SYNE1: variants seen among roughly 807,000 people sequenced by gnomAD.
The protein encoded by SYNE1 is spectrin repeat containing nuclear envelope protein 1.
Under a neutral mutation model 1,111.0 loss-of-function variants are expected in SYNE1, and 616 were observed. The observed-to-expected ratio is 0.55, with a 90% CI of 0.52 to 0.59. The LOEUF is 0.59. SYNE1 is among the 20% of genes least tolerant of loss of function. The pLI, the probability that SYNE1 is intolerant of heterozygous loss-of-function variation, is 0.00. For missense variants in SYNE1, 10,006 were observed against 10,417.0 expected (o/e 0.96, Z 1.72); for synonymous variants, 3,855 against 3,825.8 (o/e 1.01, Z -0.28).
At chr6:152,221,356 G>T (rs1023252440) in intron 118 of SYNE1, 70 bp downstream of exon 118, 1 of 1,565,456 alleles carries the variant, frequency 6.4e-7, no homozygotes, top group Non-Finnish European at 8.8e-7. Flanking sequence ...AACTGTCATT[G>T]TTTTAATTAT....
At chr6:152,262,325 A>C in intron 100 of SYNE1, 137 bp from the exon 101 acceptor site, 1 of 809,358 alleles carries the variant, frequency 1.2e-6, no homozygotes, top group Non-Finnish European at 2.0e-6. Context: ...TTTAAAAATA[A>C]CAAAAATGTT....
intron 73 of SYNE1, among the ~76,000 whole-genome samples, chr6:152,344,997 A>C (rs2096605568): frequency 6.6e-6 from 1 of 152,202 alleles, no homozygotes. Context: ...GAGACAATAG[A>C]AGCAATCATT....
intron 8 of SYNE1, among the ~76,000 whole-genome samples, chr6:152,506,629 C>T (rs894612548): frequency 6.6e-6 from 1 of 151,984 alleles, no homozygotes; most frequent in Non-Finnish European, 1.5e-5. Flanking sequence ...GCAACCTCCA[C>T]CCCCCAGGCT....
intron 24 of SYNE1, among the ~76,000 whole-genome samples, chr6:152,454,383 G>T (rs966685971): frequency 6.6e-6 from 1 of 152,162 alleles, no homozygotes; most frequent in Non-Finnish European, 1.5e-5. Flanking sequence ...CTTATGAGGA[G>T]GGACACCAGA....
intron 130 of SYNE1, among the ~76,000 whole-genome samples, chr6:152,166,459 T>C (rs2063678646): frequency 6.6e-6 from 1 of 152,256 alleles, no homozygotes; most frequent in African/African-American, 2.4e-5. Flanking sequence ...AGTACTAAAA[T>C]TCATTCGTTT....
At position 152,540,029 on chromosome 6, in the gene SYNE1, G is replaced by C; in HGVS notation, c.68-8C>G. On this transcript the variant is annotated splice_region_variant and splice_polypyrimidine_tract_variant and intron_variant, in intron 3 of 145. Transcript: ENST00000367255. ...GTACTATCTCTTGCTCATCTAGAAG[G>C]AAAAAGAAATCTGGTTAAATAATGT... The C allele has an allele frequency of 6.2e-7, 1 of 1,613,228 alleles. No homozygotes were observed. Among genetic ancestry groups the C allele is most frequent in the African/African-American group, 1.3e-5 (1 of 74,988 alleles).
At chr6:152,501,467 G>C (rs1181970710) in intron 10 of SYNE1, among the ~76,000 whole-genome samples, 1 of 152,194 alleles carries the variant, frequency 6.6e-6, no homozygotes, top group African/African-American at 2.4e-5. Context: ...AGGCGTGGTG[G>C]CTCATGCCTG....
intron 11 of SYNE1, among the ~76,000 whole-genome samples, chr6:152,495,787 A>T (rs1193372624): frequency 6.6e-6 from 1 of 152,214 alleles, no homozygotes; most frequent in Non-Finnish European, 1.5e-5. Flanking sequence ...ACGCAGCAGC[A>T]GGGGCCACGT....
rs199827801 is a variant in SYNE1 at position 152,330,916 on chromosome 6, T to C, written c.13769A>G (p.Asn4590Ser). The C allele has an allele frequency of 6.1e-5, 99 of 1,614,122 alleles. No homozygotes were observed. The East Asian group carries it at 1.5e-3, about 24-fold the overall frequency. ...QADIVTFPEI[N>S]LMNESSELHT... is the part of the protein sequence containing the mutation. ...AAGCTCAGAACTCTCATTCATTAGG[T>C]TGATTTCAGGAAATGTAACAATATC... Residue 4590 changes from asparagine to serine, a missense_variant, in exon 78 of 146, where the codon AAC (asparagine) becomes AGC (serine). Around this residue, in one of 7 missense-constraint regions of SYNE1, gnomAD observed 4,955 missense variants for 5,017.2 expected, o/e 0.99. Coordinates refer to ENST00000367255, the MANE Select transcript of SYNE1 (RefSeq NM_182961.4).
At chr6:152,234,556 T>C in intron 111 of SYNE1, 112 bp downstream of exon 111, 1 of 1,264,188 alleles carries the variant, frequency 7.9e-7, no homozygotes, top group Non-Finnish European at 1.2e-6. Flanking sequence ...CCTCCCAAAG[T>C]GTGGGATTAC....
In SYNE1 at chr6:152,391,385, T is replaced by G; in HGVS notation, c.7896A>C (p.Ala2632=). The change falls in exon 52 of 146, where the codon GCA becomes GCC. Residue 2632 remains alanine (A), a synonymous_variant. Coordinates refer to ENST00000367255, the MANE Select transcript of SYNE1 (RefSeq NM_182961.4). ...ALQEHEALEE[A]LQSMWFWVKA... is the part of the protein sequence containing the mutation. ...TCACCCAGAACCACATGCTTTGCAGTGCTTCCTCCAGGGCTTCGTGCTCCT... is the reference window on the plus strand; with the variant it reads ...TCACCCAGAACCACATGCTTTGCAGGGCTTCCTCCAGGGCTTCGTGCTCCT... 2.5e-6 allele frequency: 4 copies of G among 1,614,066 alleles called. No homozygotes were observed. Among genetic ancestry groups the G allele is most frequent in the Non-Finnish European group, 3.4e-6 (4 of 1,180,006 alleles).
In SYNE1 at chr6:152,364,730, G is replaced by GAGGAAGGGAGGA. The variant is rs1554549225; in HGVS notation, c.10145+116_10145+117insTCCTCCCTTCCT. 8.7e-4 allele frequency: 601 copies of GAGGAAGGGAGGA among 689,380 alleles called. 12 individuals are homozygous for GAGGAAGGGAGGA. The highest frequency in any genetic ancestry group is 1.2e-3 in the Non-Finnish European group (505 of 424,578). The allele number at this position is 689,380 out of a possible 1,614,324, so 42.7% of individuals were successfully genotyped here. ...GAAGGAAGGAAGGAAGGAAGGAAGG[G>GAGGAAGGGAGGA]AGGAAGGAAAGGAAAGGGAAGGGAA... On this transcript the variant is annotated intron_variant, in intron 63 of 145. Coordinates refer to ENST00000367255, the MANE Select transcript of SYNE1 (RefSeq NM_182961.4).
chr6:152,136,627 C>T lies in SYNE1; in HGVS notation c.25650G>A (p.Met8550Ile), dbSNP rs1354935363. ...EWRGLLQDAL[M>I]QCQGFHEMSH... ...CCAAAGCTCTACAGACCTGGCACTG[C>T]ATCAGGGCATCCTGCAGCAGGCCCC... is the stretch of plus-strand genomic sequence containing the variant. Residue 8550 changes from methionine (M) to isoleucine (I), a missense_variant, in exon 141 of 146, where the codon ATG becomes ATA. Met to Ile is a conservative substitution (Grantham distance 10). Transcript: ENST00000367255. 3 of 1,613,528 alleles carry T rather than the reference C, an allele frequency of 1.9e-6. No homozygotes were observed.
chr6:152,620,615 C>T (rs1448348068), intron 3 of SYNE1, among the ~76,000 whole-genome samples: 1 of 152,072 alleles, frequency 6.6e-6, no homozygotes, highest in Admixed American at 6.6e-5. Context: ...AAACCGAATT[C>T]ATCAACACAT....
intron 12 of SYNE1, among the ~76,000 whole-genome samples, chr6:152,487,024 A>T (rs2098944636): frequency 6.6e-6 from 1 of 152,226 alleles, no homozygotes; most frequent in South Asian, 2.1e-4. Flanking sequence ...GCATCAAATA[A>T]ATCACAATTT....
intron 127 of SYNE1, among the ~76,000 whole-genome samples, chr6:152,194,366 G>A (rs563995158): frequency 2.3e-4 from 35 of 152,272 alleles, no homozygotes; most frequent in African/African-American, 8.2e-4. Context: ...TGAAGAGTCT[G>A]CTGCCAGATG....
chr6:152,578,559 A>C (rs1430360604), intron 3 of SYNE1, among the ~76,000 whole-genome samples: 1 of 152,248 alleles, frequency 6.6e-6, no homozygotes, highest in African/African-American at 2.4e-5. Flanking sequence ...GTGCCACTGC[A>C]CTATGGCCTG....
At chr6:152,256,503 A>T in intron 102 of SYNE1, 131 bp downstream of exon 102, 2 of 1,064,334 alleles carry the variant, frequency 1.9e-6, no homozygotes, top group Non-Finnish European at 2.8e-6. Flanking sequence ...TCTTTGTTTC[A>T]GCGCTTATCA....
rs766170872 is a variant in SYNE1, at chr6:152,339,350, G to T, written c.12242C>A (p.Ala4081Asp). The T allele has an allele frequency of 3.1e-6, 5 of 1,613,840 alleles. No individual in the cohort carries two copies. The highest frequency in any genetic ancestry group is 1.3e-5 in the African/African-American group (1 of 75,054). ...EAIKQVKHFR[A>D]LQEQARTYLD... ...GTAGGTCCTTGCCTGCTCTTGCAAA[G>T]CTCTGAAGTGTTTGACCTGGAAAAG... is the stretch of plus-strand genomic sequence containing the variant. The change falls in exon 75 of 146, where the codon GCT (alanine) becomes GAT (aspartate). Residue 4081 changes from alanine to aspartate, a missense_variant. Physicochemically the swap from Ala to Asp is moderately radical, Grantham distance 126 (BLOSUM62 -2). Transcript: ENST00000367255.
Sources: allele counts gnomAD v4.1 joint callset (sites outside exome capture counted in the v4.1 genomes callset), GRCh38; gene constraint gnomAD v4.1.1; regional missense constraint gnomAD v4.1.1; transcripts MANE v1.5; gene names NCBI Gene and HGNC (gene_info 2026-07-23, HGNC 2026-07-21).